Variants in TOP1MT observed in about 807,000 individuals in gnomAD.
TOP1MT encodes DNA topoisomerase I, mitochondrial.
TOP1MT carries 80 observed loss-of-function variants against 73.9 expected under a neutral mutation model. The ratio of observed to expected loss-of-function variants is 1.08; its 90% confidence interval spans 0.90 to 1.30. TOP1MT has a LOEUF of 1.30. Among genes scored for constraint, TOP1MT ranks in the 50% most tolerant of loss-of-function variants. The pLI is 0.00. For synonymous variants in TOP1MT, 338 were observed against 326.4 expected (o/e 1.04, Z -0.38); for missense variants, 815 against 808.0 (o/e 1.01, Z -0.10).
upstream of TOP1MT, among the ~76,000 whole-genome samples, chr8:143,345,250 G>A (rs1287020060): frequency 2.6e-5 from 4 of 152,182 alleles, no homozygotes; most frequent in Admixed American, 1.3e-4. Context: ...GCAGAGCCAC[G>A]CACTGAGGGG....
intron 12 of TOP1MT, among the ~76,000 whole-genome samples, chr8:143,312,481 G>A (rs554201138): frequency 6.6e-6 from 1 of 151,910 alleles, no homozygotes; most frequent in South Asian, 2.1e-4. Flanking sequence ...CTCAACAGGT[G>A]CAGAAAATCA....
intron 13 of TOP1MT, chr8:143,309,773 G>A: frequency 6.5e-7 from 1 of 1,533,544 alleles, no homozygotes; most frequent in Admixed American, 2.0e-5. Context: ...CACCGAGCAG[G>A]GCGCTCAGCC....
chr8:143,349,190 C>T (rs537853756), upstream of TOP1MT, among the ~76,000 whole-genome samples: 7 of 152,176 alleles, frequency 4.6e-5, no homozygotes, highest in African/African-American at 9.6e-5. Flanking sequence ...AGAGAGAGAA[C>T]GGCTTATGAA....
At chr8:143,317,608 T>TC (rs1816203907) in intron 10 of TOP1MT, 115 bp downstream of exon 10, 1 of 883,374 alleles carries the variant, frequency 1.1e-6, no homozygotes, top group Non-Finnish European at 1.7e-6. Context: ...TCAGCCCATT[T>TC]CCCAAAGAAG....
intron 7 of TOP1MT, among the ~76,000 whole-genome samples, chr8:143,321,883 C>T (rs376199083): frequency 4.8e-4 from 39 of 81,774 alleles, no homozygotes; most frequent in Admixed American, 5.5e-4. Context: ...ACCACACGCA[C>T]GCCACACACA....
intron 7 of TOP1MT, among the ~76,000 whole-genome samples, chr8:143,322,776 CAG>C (rs1475660230): frequency 2.3e-5 from 1 of 43,394 alleles, no homozygotes; most frequent in African/African-American, 9.4e-5. Context: ...ACGCCACACA[CAG>C]GCACGCCACA....
intron 13 of TOP1MT, chr8:143,309,775 C>T (rs1376749592): frequency 1.4e-5 from 21 of 1,533,194 alleles, no homozygotes; most frequent in South Asian, 1.3e-4. Context: ...CCGAGCAGGG[C>T]GCTCAGCCAC....
upstream of TOP1MT, chr8:143,335,032 T>G: frequency 3.2e-6 from 2 of 621,392 alleles, no homozygotes; most frequent in Non-Finnish European, 2.1e-6. Context: ...GACCACTGAC[T>G]GTCCTGCCGG....
intron 12 of TOP1MT, among the ~76,000 whole-genome samples, chr8:143,311,695 G>A (rs933979142): frequency 6.6e-6 from 1 of 150,384 alleles, no homozygotes; most frequent in Non-Finnish European, 1.5e-5. Context: ...GTGGTGAGCT[G>A]AGATCATGCC....
intron 12 of TOP1MT, among the ~76,000 whole-genome samples, chr8:143,312,367 C>T (rs545442986): frequency 1.3e-5 from 2 of 152,252 alleles, no homozygotes; most frequent in South Asian, 4.1e-4. Flanking sequence ...AATGATTACA[C>T]AATTGCTCAA....
chr8:143,346,740 G>A (rs931475196), upstream of TOP1MT, among the ~76,000 whole-genome samples: 3 of 152,162 alleles, frequency 2.0e-5, no homozygotes, highest in Non-Finnish European at 4.4e-5. Flanking sequence ...AGGCTGGGAA[G>A]GCCAAAATCA....
rs781227767 is a variant in TOP1MT at position 143,324,056 on chromosome 8, C to T, written c.903G>A (p.Trp301Ter). 7 of 1,613,916 alleles carry T rather than the reference C, an allele frequency of 4.3e-6. No homozygotes were observed. Among genetic ancestry groups the T allele is most frequent in the South Asian group, 1.1e-5 (1 of 91,088 alleles). Residue 301 changes from tryptophan to a stop codon, truncating the protein, a stop_gained, in exon 7 of 14, where the codon TGG (tryptophan) becomes TGA (stop). Coordinates refer to ENST00000329245, the MANE Select transcript of TOP1MT (RefSeq NM_052963.3). LOFTEE classifies it high-confidence loss of function. ...GTCTCGTCTTCATTTCCCGAGACTT[C>T]CAGTCAGCCCGGTACTGGGAGCGGA... ...DEIRSQYRADWKSREMKTRQR... is the reference protein window; with the variant it reads ...DEIRSQYRAD
At chr8:143,333,261 A>C (rs1816908801) in intron 1 of TOP1MT, among the ~76,000 whole-genome samples, 1 of 152,164 alleles carries the variant, frequency 6.6e-6, no homozygotes, top group Non-Finnish European at 1.5e-5. Flanking sequence ...CGCCTGGCCA[A>C]CATGGCAAAA....
intron 1 of TOP1MT, among the ~76,000 whole-genome samples, chr8:143,351,225 T>C (rs1159427860): frequency 6.6e-6 from 1 of 152,194 alleles, no homozygotes; most frequent in Non-Finnish European, 1.5e-5. Context: ...CAAAACCCCA[T>C]TACAGCGGCC....
intron 7 of TOP1MT, 51 bp downstream of exon 7, chr8:143,323,948 C>T (rs368640703): frequency 3.2e-5 from 52 of 1,602,750 alleles, no homozygotes; most frequent in Admixed American, 1.8e-4. Flanking sequence ...TGGGAGTCCT[C>T]GCCAGGAGAA....
Position 143,315,984 on chromosome 8 carries a change from C to G in TOP1MT, c.1458+15G>C, listed in dbSNP as rs371977133. The G allele has an allele frequency of 1.2e-6, 2 of 1,614,008 alleles. No individual in the cohort carries two copies. The highest frequency in any genetic ancestry group is 2.7e-5 in the African/African-American group (2 of 74,936). On this transcript the variant is annotated intron_variant, in intron 11 of 13. Transcript: ENST00000329245. ...CCTTGAGGGCTGGGCTGGGGGCTCT[C>G]CTGGGAGCTGCTACCTTCGTCTGGA... is the stretch of plus-strand genomic sequence containing the variant.
At chr8:143,314,077 T>C (rs1318502417) in intron 12 of TOP1MT, among the ~76,000 whole-genome samples, 2 of 151,910 alleles carry the variant, frequency 1.3e-5, no homozygotes, top group South Asian at 2.1e-4. Context: ...AATCGACACA[T>C]GGAAAACTGA....
At chr8:143,351,609 A>G (rs1393607022) in intron 1 of TOP1MT, among the ~76,000 whole-genome samples, 2 of 152,140 alleles carry the variant, frequency 1.3e-5, no homozygotes, top group African/African-American at 4.8e-5. Flanking sequence ...AAGAAAAGGA[A>G]AGTAAAACAA....
rs753758457 is a variant in TOP1MT at position 143,325,330 on chromosome 8, C to T, written c.671+16G>A. ...CGGGGGTCCAGTGCCCGCCTGCTGC[C>T]CGCCCGGCCACGCACCTGCTGCAGT... On this transcript the variant is annotated intron_variant, in intron 5 of 13. Transcript: ENST00000329245. 4 of 1,575,776 alleles carry T rather than the reference C, an allele frequency of 2.5e-6. No homozygotes were observed. Among genetic ancestry groups the T allele is most frequent in the Non-Finnish European group, 3.5e-6 (4 of 1,155,374 alleles).
Sources: allele counts gnomAD v4.1 joint callset (sites outside exome capture counted in the v4.1 genomes callset), GRCh38; gene constraint gnomAD v4.1.1; transcripts MANE v1.5; gene names NCBI Gene and HGNC (gene_info 2026-07-23, HGNC 2026-07-21).